Variants in KIAA1755 observed in about 807,000 individuals in gnomAD.
The protein encoded by KIAA1755 is KIAA1755.
Under a neutral mutation model 91.7 loss-of-function variants are expected in KIAA1755, and 68 were observed. That is an observed-to-expected ratio of 0.74 (90% CI 0.61 to 0.91). The LOEUF is 0.91. KIAA1755 is among the 40% of genes least tolerant of loss of function. The pLI is 0.00. For synonymous variants in KIAA1755, 610 were observed against 604.6 expected (o/e 1.01, Z -0.13); for missense variants, 1,535 against 1,494.4 (o/e 1.03, Z -0.45).
intron 13 of KIAA1755, among the ~76,000 whole-genome samples, chr20:38,216,535 G>A (rs985466631): frequency 6.6e-6 from 1 of 152,176 alleles, no homozygotes; most frequent in African/African-American, 2.4e-5. Context: ...CAGCCATGGG[G>A]GTCCCTGTCC....
intron 7 of KIAA1755, among the ~76,000 whole-genome samples, chr20:38,226,551 C>CT (rs2075760747): frequency 6.6e-6 from 1 of 152,196 alleles, no homozygotes; most frequent in Non-Finnish European, 1.5e-5. Flanking sequence ...CACAATCTGC[C>CT]TCTTCACTAA....
rs1279205896 is a variant in KIAA1755, at chr20:38,222,529, C to A, written c.2337G>T (p.Leu779=). 6.2e-7 allele frequency: 1 copy of A among 1,613,760 alleles called. No homozygotes were observed. Among genetic ancestry groups the A allele is most frequent in the Non-Finnish European group, 8.5e-7 (1 of 1,179,996 alleles). Residue 779 remains leucine (L), a synonymous_variant, in exon 10 of 14, where the codon CTG becomes CTT. Coordinates refer to ENST00000279024, the MANE Select transcript of KIAA1755 (RefSeq NM_001029864.2). ...MEAVLRDPGL[L]GLQREGGATL... is the part of the protein sequence containing the mutation. ...TGGCTCCACCTTCCCGCTGGAGGCC[C>A]AGTAGGCCGGGGTCCCTCAGCACAG...
chr20:38,244,971 C>T lies in KIAA1755; in HGVS notation c.201+958G>A, dbSNP rs138170141. On this transcript the variant is annotated intron_variant, in intron 2 of 13. Coordinates refer to ENST00000279024, the MANE Select transcript of KIAA1755 (RefSeq NM_001029864.2). ...TCAAACCCCTGACGTCATGATCCAC[C>T]TGCCTTGGCCTCCCAAAGTACTGGG... is the stretch of plus-strand genomic sequence containing the variant. Among the ~76,000 whole-genome samples the T allele has an allele frequency of 3.7e-3, 557 of 152,272 alleles. 6 individuals carry two copies. Among genetic ancestry groups the T allele is most frequent in the African/African-American group, 0.012 (519 of 41,550 alleles).
In KIAA1755 at chr20:38,218,381, G is replaced by C; in HGVS notation, c.2557-15C>G. 1.2e-6 allele frequency: 2 copies of C among 1,613,748 alleles called. No individual in the cohort carries two copies. The highest frequency in any genetic ancestry group is 2.7e-5 in the African/African-American group (2 of 75,058). ...CAGTCGCTGACCTGGGGCAGGAGAGGCAGATTTGGACATGAGGGGCTGCTA... is the reference window on the plus strand; with the variant it reads ...CAGTCGCTGACCTGGGGCAGGAGAGCCAGATTTGGACATGAGGGGCTGCTA... On this transcript the variant is annotated splice_polypyrimidine_tract_variant and intron_variant, in intron 11 of 13. Coordinates refer to ENST00000279024, the MANE Select transcript of KIAA1755 (RefSeq NM_001029864.2).
At chr20:38,218,490 C>T in intron 11 of KIAA1755, 124 bp from the exon 12 acceptor site, 1 of 1,321,800 alleles carries the variant, frequency 7.6e-7, no homozygotes, top group Non-Finnish European at 1.0e-6. Context: ...GGCCTGTGAC[C>T]ACTGGCTTGG....
At chr20:38,217,814 T>G (rs1197736283) in intron 12 of KIAA1755, 1 of 455,780 alleles carries the variant, frequency 2.2e-6, no homozygotes, top group Non-Finnish European at 3.9e-6. Flanking sequence ...TCCCTTACTG[T>G]GCGCTTCCCT....
chr20:38,227,869 G>A (rs1261472570), intron 6 of KIAA1755, among the ~76,000 whole-genome samples: 1 of 152,244 alleles, frequency 6.6e-6, no homozygotes, highest in Non-Finnish European at 1.5e-5. Flanking sequence ...CAAAGAGAAC[G>A]GGGCCAGAAA....
intron 1 of KIAA1755, among the ~76,000 whole-genome samples, chr20:38,257,517 A>G (rs6014479): frequency 0.33 from 49,506 of 149,012 alleles, 8,775 homozygotes; most frequent in African/African-American, 0.47. Flanking sequence ...GGAGGCAGAG[A>G]TTGCAGTGAG....
chr20:38,218,494 G>T, intron 11 of KIAA1755, 128 bp from the exon 12 acceptor site: 1 of 1,259,190 alleles, frequency 7.9e-7, no homozygotes, highest in Non-Finnish European at 1.1e-6. Context: ...TGTGACCACT[G>T]GCTTGGACTG....
rs1262208298 is a variant in KIAA1755, at chr20:38,228,712, ATGATATG to A, written c.1872-479_1872-473del. ...GAGGGTCATGTGACATTTCTGGCCA[ATGATATG>A]TGAGGGAAAGTTTTCCAGGGAAAGA... On this transcript the variant is annotated intron_variant, in intron 5 of 13. Transcript: ENST00000279024. 1.8e-4 allele frequency among the ~76,000 whole-genome samples: 28 copies of A among 152,164 alleles called. 1 individual carries two copies. Among genetic ancestry groups the A allele is most frequent in the African/African-American group, 6.8e-4 (28 of 41,432 alleles).
intron 1 of KIAA1755, chr20:38,260,131 CCG>C: frequency 8.4e-7 from 1 of 1,184,326 alleles, no homozygotes. Flanking sequence ...AAACTCCCTG[CCG>C]GGACAATGTG....
chr20:38,217,689 G>C (rs1248721542), intron 12 of KIAA1755: 1 of 590,512 alleles, frequency 1.7e-6, no homozygotes, highest in African/African-American at 1.9e-5. Flanking sequence ...CACGCTTCTG[G>C]AAGTCTCCAG....
chr20:38,231,006 C>T (rs1444880779), intron 5 of KIAA1755, among the ~76,000 whole-genome samples, 196 bp downstream of exon 5: 1 of 152,202 alleles, frequency 6.6e-6, no homozygotes, highest in Non-Finnish European at 1.5e-5. Context: ...TCCATCTCTC[C>T]CACCAGCCTG....
Position 38,241,099 on chromosome 20 carries a change from C to G in KIAA1755, c.1032G>C (p.Glu344Asp), listed in dbSNP as rs772209167. Residue 344 changes from glutamate to aspartate, a missense_variant, in exon 3 of 14, where the codon GAG (glutamate) becomes GAC (aspartate). Coordinates refer to ENST00000279024, the MANE Select transcript of KIAA1755 (RefSeq NM_001029864.2). ...TGAAGCCCAAATTATAGGGCCTCTC[C>G]TCAGAGCTTTCTGGCTTTGTGCAAG... ...NRACTKPESSEERPYNLGFRR... is the reference protein window; with the variant it reads ...NRACTKPESSDERPYNLGFRR... 38 of 1,614,002 alleles carry G rather than the reference C, an allele frequency of 2.4e-5. No homozygotes were observed. The highest frequency in any genetic ancestry group is 3.2e-5 in the Non-Finnish European group (38 of 1,180,008).
At chr20:38,254,212 T>C (rs976197200) in intron 1 of KIAA1755, among the ~76,000 whole-genome samples, 3 of 152,180 alleles carry the variant, frequency 2.0e-5, no homozygotes, top group Non-Finnish European at 2.9e-5. Flanking sequence ...AAGGTCCAGA[T>C]TTATCCATTT....
At chr20:38,260,235 T>C (rs1004865525) in intron 1 of KIAA1755, 2 of 1,521,654 alleles carry the variant, frequency 1.3e-6, no homozygotes, top group African/African-American at 2.8e-5. Context: ...GTCTAGGGGT[T>C]GGGGAATATT....
chr20:38,231,785 G>A (rs988164656), intron 4 of KIAA1755, among the ~76,000 whole-genome samples: 1 of 152,206 alleles, frequency 6.6e-6, no homozygotes, highest in Non-Finnish European at 1.5e-5. Context: ...CACAGCAAGA[G>A]CTCAGTGAAT....
chr20:38,216,410 C>T (rs1157423846), intron 13 of KIAA1755, among the ~76,000 whole-genome samples: 3 of 152,210 alleles, frequency 2.0e-5, no homozygotes, highest in Non-Finnish European at 2.9e-5. Flanking sequence ...AGCCTGTGAT[C>T]GCTGTGGCCT....
intron 8 of KIAA1755, among the ~76,000 whole-genome samples, chr20:38,224,864 T>C (rs2075727271): frequency 6.6e-6 from 1 of 152,104 alleles, no homozygotes; most frequent in African/African-American, 2.4e-5. Context: ...GGAGGGACTG[T>C]GATTACACAG....
Sources: gnomAD v4.1 joint callset for allele counts (sites outside exome capture counted in the v4.1 genomes callset) on GRCh38, gnomAD v4.1.1 for gene constraint, MANE v1.5 for transcripts, NCBI Gene and HGNC (gene_info 2026-07-23, HGNC 2026-07-21) for gene names.